Variants in CNTRL observed in about 807,000 individuals in gnomAD.
CNTRL encodes the protein centriolin, also known as 110 kDa centrosomal protein.
Under a neutral mutation model 303.7 loss-of-function variants are expected in CNTRL, and 233 were observed. That is an observed-to-expected ratio of 0.77 (90% CI 0.69 to 0.86). CNTRL has a LOEUF of 0.86. Ranked by LOEUF, CNTRL falls within the 40% of genes least tolerant of loss-of-function variation. The probability of loss-of-function intolerance (pLI) is 0.00; values close to 1 mark genes in which losing one functional copy is unlikely to be tolerated. For synonymous variants in CNTRL, 900 were observed against 922.2 expected (o/e 0.98, Z 0.44); for missense variants, 2,524 against 2,650.6 (o/e 0.95, Z 1.05).
intron 19 of CNTRL, 145 bp downstream of exon 19, chr9:121,142,415 C>T (rs1248921705): frequency 1.8e-6 from 1 of 554,080 alleles, no homozygotes; most frequent in Non-Finnish European, 3.0e-6. Flanking sequence ...CTAGGTGGGA[C>T]CTGGATGCAT....
intron 1 of CNTRL, 86 bp downstream of exon 1, chr9:121,075,153 G>A (rs2047862825): frequency 2.9e-6 from 1 of 350,760 alleles, no homozygotes; most frequent in Non-Finnish European, 5.6e-6. Context: ...GGCCCGGACC[G>A]GGCGTGGTGT....
rs1379280595 is a variant in CNTRL, at chr9:121,173,665, T to C, written c.6685-10T>C. ...TGATTCATGATATCTCTATTTTCCC[T>C]CTGAGAAAGGATGAACACTGGCGTG... On this transcript the variant is annotated splice_polypyrimidine_tract_variant and intron_variant, in intron 41 of 43. Transcript: ENST00000373855. 2 of 1,613,940 alleles carry C rather than the reference T, an allele frequency of 1.2e-6. No individual in the cohort carries two copies. The highest frequency in any genetic ancestry group is 2.2e-5 in the East Asian group (1 of 44,888).
intron 11 of CNTRL, among the ~76,000 whole-genome samples, chr9:121,117,807 A>G (rs7859142): frequency 0.68 from 102,834 of 151,668 alleles, 35,581 homozygotes; most frequent in East Asian, 0.96. Flanking sequence ...GTGAAACCCC[A>G]TCTCTACTAA....
chr9:121,115,857 T>C (rs1463577083), intron 11 of CNTRL, among the ~76,000 whole-genome samples: 2 of 152,188 alleles, frequency 1.3e-5, no homozygotes, highest in East Asian at 1.9e-4. Context: ...GAAGTCCAAA[T>C]TGTAGATTCT....
intron 34 of CNTRL, 26 bp downstream of exon 34, chr9:121,162,297 C>T (rs1296394139): frequency 3.8e-6 from 6 of 1,582,390 alleles, no homozygotes; most frequent in Non-Finnish European, 5.2e-6. Flanking sequence ...AATAAGCTTG[C>T]AGGATCACTT....
At chr9:121,158,832 C>T (rs748379367) in intron 30 of CNTRL, 23 bp from the exon 31 acceptor site, 138 of 1,611,404 alleles carry the variant, frequency 8.6e-5, no homozygotes, top group Non-Finnish European at 1.1e-4. Context: ...GTCAAACTTA[C>T]TCTTCCCTTT....
At chr9:121,115,772 G>A (rs1407911) in intron 11 of CNTRL, among the ~76,000 whole-genome samples, 103,150 of 152,088 alleles carry the variant, frequency 0.68, 35,700 homozygotes, top group East Asian at 0.96. Context: ...TTAGTTATTT[G>A]TAACTTTTAA....
intron 12 of CNTRL, among the ~76,000 whole-genome samples, chr9:121,119,285 T>C (rs2050119985): frequency 6.6e-6 from 1 of 151,850 alleles, no homozygotes; most frequent in African/African-American, 2.4e-5. Context: ...CTTGCCTTTT[T>C]TTCATCTTTC....
intron 42 of CNTRL, among the ~76,000 whole-genome samples, chr9:121,173,945 C>T (rs553535462): frequency 3.3e-5 from 5 of 152,318 alleles, no homozygotes; most frequent in Admixed American, 1.3e-4. Context: ...CTTGTGTTGA[C>T]TCCAGTGTTC....
Position 121,092,703 on chromosome 9 carries a change from T to G in CNTRL, c.349-2185T>G, listed in dbSNP as rs1387882653. ...TATATCTATATATATAATATATATC[T>G]ATATATATAATATATATCTATATAT... On this transcript the variant is annotated intron_variant, in intron 4 of 43. Transcript: ENST00000373855. Among the ~76,000 whole-genome samples, 2 of 45,860 alleles carry G rather than the reference T, an allele frequency of 4.4e-5. 1 individual carries two copies. The highest frequency in any genetic ancestry group is 8.0e-5 in the Non-Finnish European group (2 of 25,020). The allele number at this position is 45,860 out of a possible 152,430, so 30.1% of individuals were successfully genotyped here. A position where few individuals can be genotyped will look rare whatever the true frequency, so the allele number is the denominator to read the frequency against.
At chr9:121,160,339 G>T in intron 32 of CNTRL, 37 bp downstream of exon 32, 1 of 1,369,024 alleles carries the variant, frequency 7.3e-7, no homozygotes, top group Non-Finnish European at 9.6e-7. Flanking sequence ...AAAGTTTGAG[G>T]TTGGAAATGT....
chr9:121,143,406 C>T (rs1050381673), intron 19 of CNTRL, among the ~76,000 whole-genome samples: 1 of 152,190 alleles, frequency 6.6e-6, no homozygotes, highest in Non-Finnish European at 1.5e-5. Flanking sequence ...AGCCAAGATG[C>T]TCTTTCTGAA....
intron 12 of CNTRL, among the ~76,000 whole-genome samples, chr9:121,119,603 C>G (rs1328524623): frequency 2.0e-5 from 3 of 150,328 alleles, no homozygotes; most frequent in Admixed American, 2.0e-4. Context: ...CGAAGCGATT[C>G]TCCTGCCTCA....
intron 26 of CNTRL, among the ~76,000 whole-genome samples, chr9:121,153,879 C>T (rs1256011704): frequency 1.3e-5 from 2 of 152,156 alleles, no homozygotes; most frequent in African/African-American, 2.4e-5. Flanking sequence ...AAGCAAGGGC[C>T]ACACCTAAAA....
chr9:121,075,914 C>T, intron 1 of CNTRL, among the ~76,000 whole-genome samples: 1 of 152,112 alleles, frequency 6.6e-6, no homozygotes, highest in East Asian at 1.9e-4. Context: ...CAGGCTGTTT[C>T]GTTCCAGAAT....
chr9:121,157,817 T>C lies in CNTRL; in HGVS notation c.4574T>C (p.Ile1525Thr), dbSNP rs139341963. Residue 1525 changes from isoleucine (I) to threonine (T), a missense_variant, in exon 29 of 44, where the codon ATT (isoleucine) becomes ACT (threonine). Ile to Thr is a moderately conservative substitution (Grantham distance 89, BLOSUM62 -1). Coordinates refer to ENST00000373855, the MANE Select transcript of CNTRL (RefSeq NM_007018.6). ...GAAATCTTGAAAGAAATAAACAAAATTGTAGCAGCAAAAGACTCAGACTTC... is the reference window on the plus strand; with the variant it reads ...GAAATCTTGAAAGAAATAAACAAAACTGTAGCAGCAAAAGACTCAGACTTC... ...QEEILKEINK[I>T]VAAKDSDFQC... is the part of the protein sequence containing the mutation. 4 of 1,613,918 alleles carry C rather than the reference T, an allele frequency of 2.5e-6. No individual in the cohort carries two copies. The highest frequency in any genetic ancestry group is 1.3e-5 in the African/African-American group (1 of 74,888).
At chr9:121,141,657 A>G in intron 18 of CNTRL, 69 bp downstream of exon 18, 1 of 1,337,350 alleles carries the variant, frequency 7.5e-7, no homozygotes. Context: ...AGCAAATTAC[A>G]ATGCTTCCTT....
intron 31 of CNTRL, 27 bp from the exon 32 acceptor site, chr9:121,160,116 G>T: frequency 2.1e-6 from 3 of 1,418,590 alleles, no homozygotes; most frequent in South Asian, 3.4e-5. Context: ...TCACAGGAGG[G>T]AATAACTTTT....
At chr9:121,101,779 G>T (rs1032133572) in intron 7 of CNTRL, among the ~76,000 whole-genome samples, 1 of 151,964 alleles carries the variant, frequency 6.6e-6, no homozygotes, top group Non-Finnish European at 1.5e-5. Context: ...ACACCTCTAC[G>T]CAAATAAGCT....
Sources: gnomAD v4.1 joint callset for allele counts (sites outside exome capture counted in the v4.1 genomes callset) on GRCh38, gnomAD v4.1.1 for gene constraint, MANE v1.5 for transcripts, NCBI Gene and HGNC (gene_info 2026-07-23, HGNC 2026-07-21) for gene names.